Variants in PLD5 observed in about 807,000 individuals in gnomAD.
PLD5 encodes the protein inactive phospholipase D5.
PLD5 carries 36 observed loss-of-function variants against 61.1 expected under a neutral mutation model. The observed-to-expected ratio is 0.59, with a 90% CI of 0.45 to 0.78. PLD5 has a LOEUF of 0.78. Among genes scored for constraint, PLD5 ranks in the 30% least tolerant of loss-of-function variants. The pLI, the probability that PLD5 is intolerant of heterozygous loss-of-function variation, is 0.00. For synonymous variants in PLD5, 243 were observed against 242.8 expected, an observed-to-expected ratio of 1.00 and a Z score of -0.01; for missense variants, 515 against 644.4, an observed-to-expected ratio of 0.80 and a Z score of 2.17.
intron 5 of PLD5, among the ~76,000 whole-genome samples, chr1:242,202,324 C>G (rs1450891379): frequency 6.6e-6 from 1 of 152,150 alleles, no homozygotes; most frequent in Non-Finnish European, 1.5e-5. Flanking sequence ...CTCATTCCTC[C>G]CTGACATGTG....
intron 1 of PLD5, among the ~76,000 whole-genome samples, chr1:242,486,884 A>T (rs986827378): frequency 6.6e-6 from 1 of 152,156 alleles, no homozygotes; most frequent in African/African-American, 2.4e-5. Flanking sequence ...TGCAGCCATA[A>T]AAAAGGATGA....
At chr1:242,157,790 G>A (rs768008467) in intron 5 of PLD5, among the ~76,000 whole-genome samples, 19 of 152,146 alleles carry the variant, frequency 1.2e-4, no homozygotes, top group Non-Finnish European at 1.8e-4. Flanking sequence ...GATACATGGC[G>A]GTCAGGGACC....
At chr1:242,297,614 CAT>C (rs1307820309) in intron 2 of PLD5, among the ~76,000 whole-genome samples, 3 of 141,674 alleles carry the variant, frequency 2.1e-5, no homozygotes, top group African/African-American at 8.0e-5. Context: ...AGTATGGATT[CAT>C]GTTTCTTTTT....
At chr1:242,197,173 G>A (rs1277197656) in intron 5 of PLD5, among the ~76,000 whole-genome samples, 1 of 152,130 alleles carries the variant, frequency 6.6e-6, no homozygotes, top group East Asian at 1.9e-4. Context: ...GCCAGCCCAG[G>A]AGGGACCCTG....
In PLD5 at chr1:242,083,144, T is replaced by G. The variant is rs1450754088; in HGVS notation, c.*6710A>C. 6 of 152,206 alleles carry G rather than the reference T, an allele frequency of 3.9e-5. No homozygotes were observed. The highest frequency in any genetic ancestry group is 1.4e-4 in the African/African-American group (6 of 41,450). The allele number at this position is 152,206 out of a possible 1,614,324, so 9.4% of individuals were successfully genotyped here. ...GAATCAACAAGACCTCAAATTGTCT[T>G]GACTGCAGAAGTAACTGCTGTCACT... On this transcript the variant is annotated 3_prime_UTR_variant, in exon 10 of 10. Coordinates refer to ENST00000536534, the MANE Select transcript of PLD5 (RefSeq NM_001372062.1).
intron 1 of PLD5, among the ~76,000 whole-genome samples, chr1:242,433,550 A>C (rs1346305770): frequency 6.6e-6 from 1 of 152,210 alleles, no homozygotes; most frequent in East Asian, 1.9e-4. Flanking sequence ...TCATTCAATA[A>C]ATATTTATCG....
chr1:242,149,409 C>CAG (rs1453369576), intron 5 of PLD5, among the ~76,000 whole-genome samples: 2 of 151,636 alleles, frequency 1.3e-5, no homozygotes, highest in African/African-American at 4.8e-5. Context: ...ACTTCCCATC[C>CAG]ATGTTTATGA....
chr1:242,311,854 T>C (rs1175942991), intron 2 of PLD5, among the ~76,000 whole-genome samples: 1 of 152,178 alleles, frequency 6.6e-6, no homozygotes, highest in Non-Finnish European at 1.5e-5. Context: ...GTAGGTCCAC[T>C]TGATGGGATC....
chr1:242,503,244 G>A (rs1668614560), intron 1 of PLD5, among the ~76,000 whole-genome samples: 1 of 152,116 alleles, frequency 6.6e-6, no homozygotes, highest in Non-Finnish European at 1.5e-5. Flanking sequence ...ATGGCTCAGT[G>A]CCATCCCACT....
chr1:242,120,124 C>A (rs1045847283), intron 6 of PLD5, among the ~76,000 whole-genome samples: 3 of 151,930 alleles, frequency 2.0e-5, no homozygotes, highest in African/African-American at 7.3e-5. Flanking sequence ...CAGAAAAAGG[C>A]AGATTCATAA....
At chr1:242,099,149 T>A (rs1460578119) in intron 9 of PLD5, among the ~76,000 whole-genome samples, 1 of 151,780 alleles carries the variant, frequency 6.6e-6, no homozygotes, top group African/African-American at 2.4e-5. Context: ...TGAGGAGGAG[T>A]CCCACCTTGT....
chr1:242,366,716 C>T (rs1447594354), intron 1 of PLD5, among the ~76,000 whole-genome samples: 1 of 152,094 alleles, frequency 6.6e-6, no homozygotes, highest in Non-Finnish European at 1.5e-5. Context: ...AGTTCATTTT[C>T]TCCCTTTAGT....
Position 242,084,757 on chromosome 1 carries a change from T to G in PLD5, c.*5097A>C, listed in dbSNP as rs1249072984. 6.9e-6 allele frequency: 1 copy of G among 145,144 alleles called. No individual in the cohort carries two copies. The highest frequency in any genetic ancestry group is 2.6e-5 in the African/African-American group (1 of 39,084). 9.0% of individuals were successfully genotyped at this position (145,144 alleles called of 1,614,324 possible). The stretch of plus-strand genomic sequence containing the variant: ...TGAACATTTATTGGAAAGGTTTTTT[T>G]TTTTTTTTTTTTTTTTTTTTTAGAG... On this transcript the variant is annotated 3_prime_UTR_variant, in exon 10 of 10. Transcript: ENST00000536534.
intron 2 of PLD5, among the ~76,000 whole-genome samples, chr1:242,307,573 G>C (rs996771751): frequency 1.3e-5 from 2 of 152,066 alleles, no homozygotes; most frequent in African/African-American, 4.8e-5. Context: ...TTTAAATCTT[G>C]TCTGTCTGCC....
intron 5 of PLD5, among the ~76,000 whole-genome samples, chr1:242,170,016 C>T (rs945098764): frequency 2.0e-5 from 3 of 152,222 alleles, no homozygotes; most frequent in Admixed American, 6.5e-5. Context: ...CTTCAACAGA[C>T]TTAAACGCCC....
chr1:242,273,924 C>T lies in PLD5; in HGVS notation c.496-8476G>A, dbSNP rs1055962492. Reference sequence around the variant, plus strand: ...GGGAGAGCCGAGGAATGCTGGCAGGCTCTGGAGCCACTGGAGGGAGCATCA... The same window carrying T: ...GGGAGAGCCGAGGAATGCTGGCAGGTTCTGGAGCCACTGGAGGGAGCATCA... On this transcript the variant is annotated intron_variant, in intron 3 of 9. Coordinates refer to ENST00000536534, the MANE Select transcript of PLD5 (RefSeq NM_001372062.1). 5.9e-4 allele frequency among the ~76,000 whole-genome samples: 90 copies of T among 152,152 alleles called. 1 individual carries two copies. The highest frequency in any genetic ancestry group is 2.1e-3 in the African/African-American group (87 of 41,446).
intron 5 of PLD5, among the ~76,000 whole-genome samples, chr1:242,138,936 A>C (rs1053861010): frequency 6.6e-6 from 1 of 152,202 alleles, no homozygotes; most frequent in African/African-American, 2.4e-5. Flanking sequence ...TGGTCTCCCT[A>C]TCTCAAATTT....
At chr1:242,240,380 A>T (rs1297388117) in intron 4 of PLD5, among the ~76,000 whole-genome samples, 1 of 152,164 alleles carries the variant, frequency 6.6e-6, no homozygotes, top group Admixed American at 6.5e-5. Flanking sequence ...ATGGTTAATG[A>T]TTTATAGTAT....
intron 5 of PLD5, among the ~76,000 whole-genome samples, chr1:242,197,065 G>A (rs1029097459): frequency 2.0e-5 from 3 of 152,032 alleles, no homozygotes; most frequent in Non-Finnish European, 4.4e-5. Flanking sequence ...GCGGGCTGAT[G>A]CTCACCCCTT....
Sources: gnomAD v4.1 joint callset for allele counts (sites outside exome capture counted in the v4.1 genomes callset) on GRCh38, gnomAD v4.1.1 for gene constraint, MANE v1.5 for transcripts, NCBI Gene and HGNC (gene_info 2026-07-23, HGNC 2026-07-21) for gene names.